ITSN1: variants seen among roughly 807,000 people sequenced by gnomAD.
ITSN1 encodes intersectin-1.
Under a neutral mutation model 239.8 loss-of-function variants are expected in ITSN1, and 58 were observed. The ratio of observed to expected loss-of-function variants is 0.24; its 90% CI spans 0.20 to 0.30. The LOEUF (loss-of-function observed/expected upper bound fraction) is 0.30. Among genes scored for constraint, ITSN1 ranks in the 10% least tolerant of loss-of-function variants. ITSN1 has a pLI of 1.00. For synonymous variants in ITSN1, 780 were observed against 770.8 expected (o/e 1.01, Z -0.20); for missense variants, 1,558 against 2,103.3 (o/e 0.74, Z 5.07).
chr21:33,820,193 A>G (rs780286481), intron 24 of ITSN1, among the ~76,000 whole-genome samples: 10 of 152,160 alleles, frequency 6.6e-5, no homozygotes, highest in Non-Finnish European at 1.3e-4. Context: ...TTCTTTCTCA[A>G]TCTCCACTTG....
At chr21:33,860,616 T>C (rs1389282592) in intron 31 of ITSN1, among the ~76,000 whole-genome samples, 1 of 152,124 alleles carries the variant, frequency 6.6e-6, no homozygotes, top group Non-Finnish European at 1.5e-5. Flanking sequence ...TCCACAGTTG[T>C]GGAGGTGGGA....
intron 29 of ITSN1, among the ~76,000 whole-genome samples, chr21:33,841,205 A>G (rs949849837): frequency 7.9e-5 from 12 of 152,256 alleles, no homozygotes; most frequent in African/African-American, 2.7e-4. Flanking sequence ...CAGGCCGCAA[A>G]TAGTAACGAT....
intron 1 of ITSN1, among the ~76,000 whole-genome samples, chr21:33,676,984 C>T (rs1364562649): frequency 2.0e-5 from 3 of 146,378 alleles, no homozygotes; most frequent in Non-Finnish European, 4.5e-5. Context: ...GGGTGGGGAA[C>T]ATCACACACC....
intron 1 of ITSN1, among the ~76,000 whole-genome samples, chr21:33,684,928 A>G (rs2091162767): frequency 1.3e-5 from 2 of 152,184 alleles, no homozygotes; most frequent in Admixed American, 1.3e-4. Context: ...TACTTTCTAA[A>G]ACTAGCTTTC....
chr21:33,745,092 G>A (rs898825217), intron 5 of ITSN1, among the ~76,000 whole-genome samples: 14 of 152,142 alleles, frequency 9.2e-5, no homozygotes, highest in Admixed American at 6.6e-4. Flanking sequence ...AAATATAGGC[G>A]TTAAGCATCA....
intron 9 of ITSN1, among the ~76,000 whole-genome samples, chr21:33,765,015 G>A (rs1264454293): frequency 2.0e-5 from 3 of 152,246 alleles, no homozygotes; most frequent in Middle Eastern, 3.2e-3. Context: ...CCAGTGGGCC[G>A]AATCTGGCCT....
At chr21:33,741,293 G>T (rs186970963) in intron 5 of ITSN1, among the ~76,000 whole-genome samples, 1 of 152,118 alleles carries the variant, frequency 6.6e-6, no homozygotes, top group Non-Finnish European at 1.5e-5. Context: ...GTATAATTCA[G>T]TATAGTTATC....
At position 33,799,761 on chromosome 21, in the gene ITSN1, C is replaced by G. The variant is rs187988148; in HGVS notation, c.2183-47C>G. The G allele has an allele frequency of 7.5e-5, 121 of 1,602,682 alleles. No homozygotes were observed. The African/African-American group carries it at 1.3e-3, about 17-fold the overall frequency. On this transcript the variant is annotated intron_variant, in intron 18 of 39. Transcript: ENST00000381318. ...TGGCTTGTTGTCATACATTTGTGTT[C>G]TCTGTAATTATTTATTTTTGTCCCC...
In ITSN1 at chr21:33,892,307, G is replaced by A. The variant is rs1986415173; in HGVS notation, c.*4007G>A. 6.6e-6 allele frequency: 1 copy of A among 152,170 alleles called. No individual in the cohort carries two copies. Among genetic ancestry groups the A allele is most frequent in the Non-Finnish European group, 1.5e-5 (1 of 68,038 alleles). The allele number at this position is 152,170 out of a possible 1,614,324, so 9.4% of individuals were successfully genotyped here. A position where few individuals can be genotyped will look rare whatever the true frequency, so the allele number is the denominator to read the frequency against. On this transcript the variant is annotated 3_prime_UTR_variant, in exon 40 of 40. Coordinates refer to ENST00000381318, the MANE Select transcript of ITSN1 (RefSeq NM_003024.3). ...TCTGAGCCACCATAAGAGGCATTAG[G>A]GAAAACTAACACCTCCTTCTTTTTG...
At chr21:33,689,692 G>A (rs2146633209) in intron 1 of ITSN1, among the ~76,000 whole-genome samples, 1 of 152,198 alleles carries the variant, frequency 6.6e-6, no homozygotes, top group East Asian at 1.9e-4. Context: ...AATAGACTAG[G>A]CATGGTGGCT....
chr21:33,822,353 A>G (rs1439245257), intron 24 of ITSN1, among the ~76,000 whole-genome samples: 1 of 152,240 alleles, frequency 6.6e-6, no homozygotes, highest in Non-Finnish European at 1.5e-5. Context: ...TTAAAGGAAC[A>G]TCATCTGAGG....
intron 16 of ITSN1, among the ~76,000 whole-genome samples, chr21:33,789,083 A>G (rs531893690): frequency 6.6e-6 from 1 of 152,306 alleles, no homozygotes; most frequent in South Asian, 2.1e-4. Flanking sequence ...ACAAGTTCTC[A>G]CCTCATGGGG....
intron 1 of ITSN1, among the ~76,000 whole-genome samples, chr21:33,702,373 TC>T (rs2092064915): frequency 1.3e-5 from 2 of 152,068 alleles, no homozygotes; most frequent in African/African-American, 4.8e-5. Context: ...CACCTCGGAC[TC>T]CCAAAGTGCT....
chr21:33,691,655 A>G (rs1322250483), intron 1 of ITSN1, among the ~76,000 whole-genome samples: 1 of 152,242 alleles, frequency 6.6e-6, no homozygotes, highest in Non-Finnish European at 1.5e-5. Flanking sequence ...AGATGCCTTA[A>G]GCAATCGAAA....
In ITSN1 at chr21:33,790,864, A is replaced by T. The variant is rs189273681; in HGVS notation, c.1825-3477A>T. On this transcript the variant is annotated intron_variant, in intron 16 of 39. Transcript: ENST00000381318. ...GCACTAGATTTGTTTGTCACTTTGAATTTTTTTCTTTCTGAAGGAGTTAAA... is the reference window on the plus strand; with the variant it reads ...GCACTAGATTTGTTTGTCACTTTGATTTTTTTTCTTTCTGAAGGAGTTAAA... Among the ~76,000 whole-genome samples, 140 of 152,186 alleles carry T rather than the reference A, an allele frequency of 9.2e-4. 1 individual carries two copies. In the East Asian group the frequency reaches 0.019, roughly 21 times the overall value.
chr21:33,824,091 T>A (rs1182061883), intron 25 of ITSN1, among the ~76,000 whole-genome samples: 1 of 152,190 alleles, frequency 6.6e-6, no homozygotes, highest in Non-Finnish European at 1.5e-5. Context: ...ATTAGAAAGT[T>A]TTTAGAATTT....
chr21:33,671,952 CG>C (rs2090313774), intron 1 of ITSN1, among the ~76,000 whole-genome samples: 1 of 151,964 alleles, frequency 6.6e-6, no homozygotes, highest in South Asian at 2.1e-4. Context: ...TAAAAAGAGT[CG>C]ATGTCTTGGC....
chr21:33,658,494 T>A lies in ITSN1; in HGVS notation c.-33+15781T>A, dbSNP rs116466634. On this transcript the variant is annotated intron_variant, in intron 1 of 39. Coordinates refer to ENST00000381318, the MANE Select transcript of ITSN1 (RefSeq NM_003024.3). ...ACTGTAGGCAGCTGTAACACAAGTA[T>A]TTACAGTGGTATTTGTGTATCGAGA... Among the ~76,000 whole-genome samples the A allele has an allele frequency of 3.7e-3, 565 of 152,338 alleles. 1 individual carries two copies. The highest frequency in any genetic ancestry group is 9.6e-3 in the African/African-American group (399 of 41,570).
At chr21:33,773,567 G>A (rs945677548) in intron 12 of ITSN1, among the ~76,000 whole-genome samples, 7 of 152,166 alleles carry the variant, frequency 4.6e-5, no homozygotes, top group African/African-American at 1.7e-4. Context: ...ACTTTGGGAG[G>A]CTAAGGAGGG....
Sources: allele counts gnomAD v4.1 joint callset (sites outside exome capture counted in the v4.1 genomes callset), GRCh38; gene constraint gnomAD v4.1.1; transcripts MANE v1.5; gene names NCBI Gene and HGNC (gene_info 2026-07-23, HGNC 2026-07-21).